SOX5: variants seen among roughly 807,000 people sequenced by gnomAD.
The protein encoded by SOX5 is transcription factor SOX-5.
A neutral mutation model predicts 92.0 loss-of-function variants in SOX5; 9 were observed. That is an observed-to-expected ratio of 0.10 (90% CI 0.06 to 0.17). The LOEUF (loss-of-function observed/expected upper bound fraction) is 0.17, where lower values mean the gene tolerates loss of function less well. SOX5 is among the 10% of genes least tolerant of loss of function. The pLI, the probability that SOX5 is intolerant of heterozygous loss-of-function variation, is 1.00. For synonymous variants in SOX5, 344 were observed against 336.3 expected, an observed-to-expected ratio of 1.02 and a Z score of -0.25; for missense variants, 642 against 944.5, an observed-to-expected ratio of 0.68 and a Z score of 4.20.
At chr12:23,637,220 G>C (rs16926484) in intron 8 of SOX5, among the ~76,000 whole-genome samples, 3,331 of 152,244 alleles carry the variant, frequency 0.022, 107 homozygotes, top group African/African-American at 0.076. Flanking sequence ...TATTTCAGCT[G>C]TTCCTCCAAC....
At chr12:24,396,675 C>T (rs1393156852) in intron 1 of SOX5, among the ~76,000 whole-genome samples, 2 of 152,210 alleles carry the variant, frequency 1.3e-5, no homozygotes, top group African/African-American at 4.8e-5. Flanking sequence ...AGTTAAACCC[C>T]TGGATGTGTC....
chr12:23,949,443 G>T, intron 1 of SOX5, 121 bp downstream of exon 1: 1 of 1,178,444 alleles, frequency 8.5e-7, no homozygotes, highest in Non-Finnish European at 1.3e-6. Context: ...GATTGCAGAA[G>T]CCCTAGCTAA....
chr12:23,901,242 A>C (rs2097228593), intron 1 of SOX5, among the ~76,000 whole-genome samples: 1 of 152,102 alleles, frequency 6.6e-6, no homozygotes, highest in African/African-American at 2.4e-5. Context: ...TGAACCAAGG[A>C]ATGTAGGCAG....
intron 2 of SOX5, among the ~76,000 whole-genome samples, chr12:23,860,540 C>T (rs983347903): frequency 6.6e-6 from 1 of 152,142 alleles, no homozygotes; most frequent in Non-Finnish European, 1.5e-5. Context: ...TAAGTCCGCC[C>T]AACTAAATTA....
intron 4 of SOX5, among the ~76,000 whole-genome samples, chr12:24,197,115 T>A (rs1383035437): frequency 6.6e-6 from 1 of 152,190 alleles, no homozygotes; most frequent in Non-Finnish European, 1.5e-5. Context: ...TAACTAACTG[T>A]TTGTCAATTA....
chr12:24,134,723 A>G (rs1292889171), intron 4 of SOX5, among the ~76,000 whole-genome samples: 1 of 152,258 alleles, frequency 6.6e-6, no homozygotes, highest in Non-Finnish European at 1.5e-5. Flanking sequence ...ACAAAAACAC[A>G]GAATTACCCA....
At chr12:24,550,737 G>C (rs779350099) in intron 1 of SOX5, among the ~76,000 whole-genome samples, 14 of 152,182 alleles carry the variant, frequency 9.2e-5, no homozygotes, top group African/African-American at 2.2e-4. Flanking sequence ...GAAGAAAGAG[G>C]CTGCATAGAT....
chr12:24,188,128 C>T (rs1956191669), intron 4 of SOX5, among the ~76,000 whole-genome samples: 1 of 152,096 alleles, frequency 6.6e-6, no homozygotes, highest in East Asian at 1.9e-4. Context: ...TGGGAGTGAA[C>T]AAAGTCTGAA....
chr12:23,575,852 T>C lies in SOX5; in HGVS notation c.1165-14A>G. The stretch of plus-strand genomic sequence containing the variant: ...TGCCACTTCATCCTGCAATGATCAT[T>C]AGAACATGAGCTGTGATAAGGAAAG... On this transcript the variant is annotated splice_polypyrimidine_tract_variant and intron_variant, in intron 9 of 14. Coordinates refer to ENST00000451604, the MANE Select transcript of SOX5 (RefSeq NM_006940.6). 1 of 1,527,132 alleles carries C rather than the reference T, an allele frequency of 6.5e-7. No individual in the cohort carries two copies. The highest frequency in any genetic ancestry group is 8.8e-7 in the Non-Finnish European group (1 of 1,138,670). The allele number at this position is 1,527,132 out of a possible 1,614,324, so 94.6% of individuals were successfully genotyped here.
Position 23,569,925 on chromosome 12 carries a change from A to C in SOX5, c.1342+5736T>G, listed in dbSNP as rs76561164. On this transcript the variant is annotated intron_variant, in intron 10 of 14. Transcript: ENST00000451604. ...GGACTACTTAGCATTTTTTAGTACA[A>C]TCTATTATTCCTTTGGCCCAGGGCA... is the stretch of plus-strand genomic sequence containing the variant. Among the ~76,000 whole-genome samples the C allele has an allele frequency of 5.1e-3, 773 of 152,328 alleles. 10 individuals are homozygous for C. Among genetic ancestry groups the C allele is most frequent in the African/African-American group, 0.018 (743 of 41,578 alleles).
chr12:23,939,390 T>A (rs1056805927), intron 1 of SOX5, among the ~76,000 whole-genome samples: 22 of 150,918 alleles, frequency 1.5e-4, no homozygotes, highest in Admixed American at 1.3e-4. Context: ...TTTTTCAACA[T>A]TTATATCTAT....
chr12:24,078,187 T>C (rs184515606), intron 4 of SOX5, among the ~76,000 whole-genome samples: 19 of 152,084 alleles, frequency 1.2e-4, no homozygotes, highest in Admixed American at 9.8e-4. Context: ...ATATGCTGTG[T>C]TTGATGGTGG....
At chr12:23,727,022 A>C (rs186489349) in intron 6 of SOX5, among the ~76,000 whole-genome samples, 46 of 152,282 alleles carry the variant, frequency 3.0e-4, no homozygotes, top group African/African-American at 8.4e-4. Context: ...AGAAGAAAGA[A>C]ACACAGAAAT....
At chr12:23,747,691 G>T (rs2094036484) in intron 4 of SOX5, among the ~76,000 whole-genome samples, 1 of 152,038 alleles carries the variant, frequency 6.6e-6, no homozygotes, top group Non-Finnish European at 1.5e-5. Context: ...ATTTTCATGG[G>T]GAGTGGTCTT....
chr12:23,757,465 A>G (rs1395407266), intron 3 of SOX5, among the ~76,000 whole-genome samples: 2 of 151,980 alleles, frequency 1.3e-5, no homozygotes, highest in Non-Finnish European at 2.9e-5. Context: ...TAACTTTGAA[A>G]TACTTCCACA....
intron 3 of SOX5, among the ~76,000 whole-genome samples, 159 bp from the exon 4 acceptor site, chr12:23,755,883 T>C (rs1473422821): frequency 6.6e-6 from 1 of 151,776 alleles, no homozygotes; most frequent in East Asian, 1.9e-4. Flanking sequence ...AAAAAGAATG[T>C]GTCCTGTCAC....
chr12:23,973,257 G>T (rs1948558692), intron 4 of SOX5, among the ~76,000 whole-genome samples: 1 of 149,972 alleles, frequency 6.7e-6, no homozygotes, highest in South Asian at 2.1e-4. Flanking sequence ...TGCCTCCTGG[G>T]TTCAAGTGAC....
rs1398136857 is a variant in SOX5, at chr12:23,533,440, GAAGGAA to G, written c.*773_*778del. 1 of 192,880 alleles carries G rather than the reference GAAGGAA, an allele frequency of 5.2e-6. No homozygotes were observed. The highest frequency in any genetic ancestry group is 2.3e-5 in the African/African-American group (1 of 42,572). The allele number at this position is 192,880 out of a possible 1,614,324, so 11.9% of individuals were successfully genotyped here. ...AAGATTTAACACTGTCCTAACTTAA[GAAGGAA>G]AAGGAAAAAGTAAAGAGAAAAAATG... On this transcript the variant is annotated 3_prime_UTR_variant, in exon 15 of 15. Coordinates refer to ENST00000451604, the MANE Select transcript of SOX5 (RefSeq NM_006940.6).
intron 9 of SOX5, among the ~76,000 whole-genome samples, chr12:23,598,080 T>C (rs556853328): frequency 1.1e-4 from 16 of 152,306 alleles, no homozygotes; most frequent in Admixed American, 2.6e-4. Flanking sequence ...TACTTAGAAA[T>C]ACTACATTCA....
Sources: gnomAD v4.1 joint callset for allele counts (sites outside exome capture counted in the v4.1 genomes callset) on GRCh38, gnomAD v4.1.1 for gene constraint, MANE v1.5 for transcripts, NCBI Gene and HGNC (gene_info 2026-07-23, HGNC 2026-07-21) for gene names.